The following MINDY3 variants were observed in gnomAD, a reference collection of about 807,000 sequenced individuals.
MINDY3 encodes the protein MINDY lysine 48 deubiquitinase 3, also known as ubiquitin carboxyl-terminal hydrolase MINDY-3.
MINDY3 carries 38 observed loss-of-function variants against 69.2 expected under a neutral mutation model. The observed-to-expected ratio is 0.55, with a 90% CI of 0.42 to 0.72. The LOEUF is 0.72. Ranked by LOEUF, MINDY3 falls within the 30% of genes least tolerant of loss-of-function variation. The pLI, the probability that MINDY3 is intolerant of heterozygous loss-of-function variation, is 0.00. For synonymous variants in MINDY3, 192 were observed against 180.1 expected (o/e 1.07, Z -0.53); for missense variants, 522 against 519.0 (o/e 1.01, Z -0.06).
At chr10:15,826,733 T>C (rs925465089) in intron 8 of MINDY3, among the ~76,000 whole-genome samples, 5 of 152,264 alleles carry the variant, frequency 3.3e-5, no homozygotes, top group East Asian at 3.9e-4. Context: ...ATCAGTGGAA[T>C]AGAATAAAAA....
chr10:15,824,956 T>C (rs1266590236), intron 8 of MINDY3, among the ~76,000 whole-genome samples: 2 of 152,200 alleles, frequency 1.3e-5, no homozygotes, highest in African/African-American at 2.4e-5. Context: ...CTTCTTATGA[T>C]AGTTTCAAGA....
Position 15,786,583 on chromosome 10 carries a change from A to C in MINDY3, c.1094T>G (p.Leu365Arg). Residue 365 changes from leucine (L) to arginine (R), a missense_variant, in exon 13 of 15, where the codon CTT becomes CGT. Physicochemically the swap from Leu to Arg is moderately radical, Grantham distance 102. Transcript: ENST00000277632. ...GLGIILLGPF[L>R]QEFFPDQGSS... ...TACCTGATCAGGAAAAAATTCTTGA[A>C]GAAATGGGCCCAATAATATGATTCC... is the stretch of plus-strand genomic sequence containing the variant. The C allele has an allele frequency of 6.3e-7, 1 of 1,585,414 alleles. No homozygotes were observed. The highest frequency in any genetic ancestry group is 8.7e-7 in the Non-Finnish European group (1 of 1,155,286).
chr10:15,837,786 C>G, intron 5 of MINDY3: 1 of 980,666 alleles, frequency 1.0e-6, no homozygotes, highest in South Asian at 4.7e-5. Context: ...ACCCATAATT[C>G]TATCAACAGC....
chr10:15,790,976 AAAC>A (rs1415765519), intron 11 of MINDY3, among the ~76,000 whole-genome samples: 2 of 152,096 alleles, frequency 1.3e-5, no homozygotes, highest in Non-Finnish European at 2.9e-5. Flanking sequence ...ATGACAACAA[AAAC>A]AACAATGTGA....
At position 15,778,383 on chromosome 10, in the gene MINDY3, C is replaced by T. The variant is rs1374539618; in HGVS notation, c.*609G>A. 1 of 152,148 alleles carries T rather than the reference C, an allele frequency of 6.6e-6. No homozygotes were observed. Among genetic ancestry groups the T allele is most frequent in the Non-Finnish European group, 1.5e-5 (1 of 68,034 alleles). The allele number at this position is 152,148 out of a possible 1,614,324, so 9.4% of individuals were successfully genotyped here. A position where few individuals can be genotyped will look rare whatever the true frequency, so the allele number is the denominator to read the frequency against. ...AGTGTTGACTATCAGATTCTCTTTT[C>T]TGTCAGTTTTTAGAATACATCCCCT... is the stretch of plus-strand genomic sequence containing the variant. On this transcript the variant is annotated 3_prime_UTR_variant, in exon 15 of 15. Transcript: ENST00000277632.
chr10:15,845,325 T>C (rs11253661), intron 2 of MINDY3, among the ~76,000 whole-genome samples: 20,880 of 152,156 alleles, frequency 0.14, 3,440 homozygotes, highest in African/African-American at 0.4. Flanking sequence ...TTGTATTATG[T>C]ATTTGGTTCC....
Position 15,824,095 on chromosome 10 carries a change from C to T in MINDY3, c.731-2369G>A, listed in dbSNP as rs113705348. ...TGAATGGTGCTGCAATTAGCATGCACGTGCAGGTATCCCTTTGATATACTG... is the reference window on the plus strand; with the variant it reads ...TGAATGGTGCTGCAATTAGCATGCATGTGCAGGTATCCCTTTGATATACTG... On this transcript the variant is annotated intron_variant, in intron 8 of 14. Coordinates refer to ENST00000277632, the MANE Select transcript of MINDY3 (RefSeq NM_024948.4). 3.7e-3 allele frequency among the ~76,000 whole-genome samples: 567 copies of T among 152,284 alleles called. 6 individuals carry two copies. Among genetic ancestry groups the T allele is most frequent in the African/African-American group, 0.013 (543 of 41,562 alleles).
chr10:15,785,919 CATG>C lies in MINDY3; in HGVS notation c.1116+639_1116+641del, dbSNP rs543147539. 2.2e-4 allele frequency among the ~76,000 whole-genome samples: 33 copies of C among 152,188 alleles called. No homozygotes were observed. The South Asian group carries it at 6.6e-3, about 31-fold the overall frequency. On this transcript the variant is annotated intron_variant, in intron 13 of 14. Transcript: ENST00000277632. The stretch of plus-strand genomic sequence containing the variant: ...CTATACTGATATCTGATAAAATGAC[CATG>C]ATATCTGTTATCTAGTTAAGTAATT...
At chr10:15,824,148 G>A (rs566602191) in intron 8 of MINDY3, among the ~76,000 whole-genome samples, 5 of 152,314 alleles carry the variant, frequency 3.3e-5, no homozygotes, top group South Asian at 2.1e-4. Context: ...TAGATACTGA[G>A]TAGTGGGATT....
At chr10:15,795,565 A>G (rs1208071357) in intron 11 of MINDY3, among the ~76,000 whole-genome samples, 4 of 152,036 alleles carry the variant, frequency 2.6e-5, no homozygotes, top group Non-Finnish European at 5.9e-5. Flanking sequence ...TAAATATGTA[A>G]ACACAAAAGT....
At chr10:15,847,374 G>T (rs7100782) in intron 2 of MINDY3, among the ~76,000 whole-genome samples, 1 of 152,120 alleles carries the variant, frequency 6.6e-6, no homozygotes, top group East Asian at 1.9e-4. Flanking sequence ...CAGTTGTTAC[G>T]AATTTTATTC....
chr10:15,786,211 G>T (rs1305877907), intron 13 of MINDY3, among the ~76,000 whole-genome samples: 1 of 152,126 alleles, frequency 6.6e-6, no homozygotes, highest in African/African-American at 2.4e-5. Context: ...CAGCCACCTT[G>T]ACCTCTTCTC....
At chr10:15,816,786 T>C (rs1432462854) in intron 10 of MINDY3, 49 bp downstream of exon 10, 21 of 1,238,356 alleles carry the variant, frequency 1.7e-5, no homozygotes, top group Non-Finnish European at 2.5e-5. Context: ...CTTATAATAC[T>C]TGTTTGCCTG....
At chr10:15,857,521 G>T (rs1270504871) in intron 1 of MINDY3, among the ~76,000 whole-genome samples, 2 of 152,174 alleles carry the variant, frequency 1.3e-5, no homozygotes, top group African/African-American at 4.8e-5. Context: ...ATGAGCTAAG[G>T]AAGTGAAAAT....
chr10:15,828,190 T>G (rs1413167365), intron 8 of MINDY3, among the ~76,000 whole-genome samples: 2 of 152,222 alleles, frequency 1.3e-5, no homozygotes, highest in Admixed American at 6.5e-5. Context: ...CTCCACATGT[T>G]GGCGAACAAA....
chr10:15,841,499 T>G lies in MINDY3; in HGVS notation c.336A>C (p.Arg112Ser). 5.6e-6 allele frequency: 9 copies of G among 1,612,164 alleles called. No individual in the cohort carries two copies. Among genetic ancestry groups the G allele is most frequent in the Non-Finnish European group, 7.6e-6 (9 of 1,178,670 alleles). Residue 112 changes from arginine to serine, a missense_variant, in exon 4 of 15, where the codon AGA (arginine) becomes AGC (serine). Arg to Ser is a moderately radical substitution (Grantham distance 110, BLOSUM62 -1). Coordinates refer to ENST00000277632, the MANE Select transcript of MINDY3 (RefSeq NM_024948.4). ...SGSYCLVSWL[R>S]GKTTEETASI... ...TAGCAGTTTCCTCAGTTGTCTTTCC[T>G]CTTAACCATGAAACCAAGCAGTATG...
chr10:15,857,945 T>C, intron 1 of MINDY3: 1 of 985,128 alleles, frequency 1.0e-6, no homozygotes, highest in Non-Finnish European at 1.2e-6. Context: ...ACTGCAGTTG[T>C]CAACTGAAGA....
chr10:15,823,694 A>G (rs1839915193), intron 8 of MINDY3, among the ~76,000 whole-genome samples: 1 of 152,094 alleles, frequency 6.6e-6, no homozygotes, highest in Non-Finnish European at 1.5e-5. Context: ...GTACAATGCA[A>G]TTTTCTTAAG....
chr10:15,821,878 C>A, intron 8 of MINDY3, 152 bp from the exon 9 acceptor site: 2 of 546,856 alleles, frequency 3.7e-6, no homozygotes, highest in Non-Finnish European at 6.3e-6. Flanking sequence ...AGCATGTAAT[C>A]ATTACAGTAC....
Sources: allele counts gnomAD v4.1 joint callset (sites outside exome capture counted in the v4.1 genomes callset), GRCh38; gene constraint gnomAD v4.1.1; transcripts MANE v1.5; gene names NCBI Gene and HGNC (gene_info 2026-07-23, HGNC 2026-07-21).